Variants in RB1 observed in about 807,000 individuals in gnomAD.
The protein encoded by RB1 is retinoblastoma-associated protein.
Under a neutral mutation model 135.4 loss-of-function variants are expected in RB1, and 18 were observed. The observed-to-expected ratio is 0.13, with a 90% CI of 0.09 to 0.20. RB1 has a LOEUF of 0.20. Ranked by LOEUF, RB1 falls within the 10% of genes least tolerant of loss-of-function variation. RB1 has a pLI of 1.00. For missense variants in RB1, 868 were observed against 1,110.0 expected (o/e 0.78, Z 3.10); for synonymous variants, 365 against 373.2 (o/e 0.98, Z 0.25).
chr13:48,333,569 G>A (rs1343607927), intron 2 of RB1, among the ~76,000 whole-genome samples: 6 of 151,812 alleles, frequency 4.0e-5, no homozygotes, highest in African/African-American at 9.7e-5. Flanking sequence ...CTGTAATGTC[G>A]TTCTTTGTGT....
At chr13:48,448,121 A>T (rs929891548) in intron 17 of RB1, among the ~76,000 whole-genome samples, 1 of 152,150 alleles carries the variant, frequency 6.6e-6, no homozygotes, top group Non-Finnish European at 1.5e-5. Flanking sequence ...TTAGTTAAAG[A>T]TTTTCAATTC....
At chr13:48,476,892 G>A in intron 25 of RB1, 49 bp downstream of exon 25, 1 of 1,596,412 alleles carries the variant, frequency 6.3e-7, no homozygotes, top group Non-Finnish European at 8.6e-7. Context: ...GGTCATCTGG[G>A]GAATCCAGAG....
intron 9 of RB1, among the ~76,000 whole-genome samples, chr13:48,366,884 C>T (rs570039644): frequency 3.1e-4 from 47 of 152,050 alleles, no homozygotes; most frequent in Non-Finnish European, 4.9e-4. Context: ...TTTGGGAGGC[C>T]GAGGCAGGTG....
intron 17 of RB1, chr13:48,417,292 G>C (rs1456184357): frequency 6.5e-6 from 1 of 152,682 alleles, no homozygotes; most frequent in African/African-American, 2.4e-5. Context: ...ACAGGGTCTG[G>C]AGTGGACCTC....
At chr13:48,349,246 C>CT (rs977807861) in intron 6 of RB1, among the ~76,000 whole-genome samples, 2 of 151,352 alleles carry the variant, frequency 1.3e-5, no homozygotes, top group South Asian at 2.1e-4. Context: ...CCCTCCCTTT[C>CT]TTTTTTTTGA....
intron 17 of RB1, among the ~76,000 whole-genome samples, chr13:48,408,122 GT>G (rs1948756130): frequency 6.6e-6 from 1 of 151,908 alleles, no homozygotes; most frequent in African/African-American, 2.4e-5. Flanking sequence ...TCTCAATTTA[GT>G]GACTAATTTC....
chr13:48,407,674 G>T (rs1317255095), intron 17 of RB1, among the ~76,000 whole-genome samples: 1 of 152,118 alleles, frequency 6.6e-6, no homozygotes, highest in Non-Finnish European at 1.5e-5. Context: ...TCTTAAGTTT[G>T]TTCATTAGTC....
intron 6 of RB1, among the ~76,000 whole-genome samples, chr13:48,357,861 A>G (rs1354924297): frequency 6.6e-6 from 1 of 152,132 alleles, no homozygotes; most frequent in East Asian, 1.9e-4. Context: ...ACAATGTCTC[A>G]AGCATGATAT....
At chr13:48,420,103 A>G (rs1433629005) in intron 17 of RB1, among the ~76,000 whole-genome samples, 2 of 152,194 alleles carry the variant, frequency 1.3e-5, no homozygotes, top group Non-Finnish European at 2.9e-5. Flanking sequence ...AATTTCGGCC[A>G]ATATCCTTGA....
At chr13:48,371,006 A>G (rs941443341) in intron 11 of RB1, among the ~76,000 whole-genome samples, 2 of 152,230 alleles carry the variant, frequency 1.3e-5, no homozygotes, top group Non-Finnish European at 2.9e-5. Context: ...CAAAGACCAA[A>G]CATCTATTTC....
In RB1 at chr13:48,459,610, CG is replaced by C. The variant is rs894277694; in HGVS notation, c.1961-77del. ...CTACTTAACAGCATTATAATTAGAG[CG>C]ATTTCATGATTTGAAAAAAATCTAC... is the stretch of plus-strand genomic sequence containing the variant. On this transcript the variant is annotated intron_variant, in intron 19 of 26. Transcript: ENST00000267163. The C allele has an allele frequency of 2.8e-5, 40 of 1,433,486 alleles. No individual in the cohort carries two copies. In the African/African-American group the frequency reaches 5.6e-4, roughly 20 times the overall value. The allele number at this position is 1,433,486 out of a possible 1,614,324, so 88.8% of individuals were successfully genotyped here.
intron 6 of RB1, among the ~76,000 whole-genome samples, chr13:48,354,271 AAT>A (rs1224576717): frequency 6.6e-6 from 1 of 152,176 alleles, no homozygotes; most frequent in Non-Finnish European, 1.5e-5. Context: ...AAAAATCAGT[AAT>A]GTTTCTGTAT....
At position 48,342,675 on chromosome 13, in the gene RB1, C is replaced by T. The variant is rs139673557; in HGVS notation, c.341C>T (p.Ser114Leu). 16 of 1,611,696 alleles carry T rather than the reference C, an allele frequency of 9.9e-6. No individual in the cohort carries two copies. The highest frequency in any genetic ancestry group is 1.7e-4 in the Middle Eastern group (1 of 6,052). The change falls in exon 3 of 27, where the codon TCG (serine) becomes TTG (leucine). Residue 114 changes from serine (S) to leucine (L), a missense_variant. By Grantham distance (145) the Ser-to-Leu change is moderately radical (BLOSUM62 -2). Transcript: ENST00000267163. The part of the protein sequence containing the change: ...FIAAVDLDEM[S>L]FTFTELQKNI... ...GCAGCAGTTGACCTAGATGAGATGT[C>T]GTTCACTTTTACTGAGCTACAGAAA...
chr13:48,378,645 T>C (rs1952853935), intron 13 of RB1, among the ~76,000 whole-genome samples: 1 of 151,912 alleles, frequency 6.6e-6, no homozygotes, highest in Admixed American at 6.6e-5. Context: ...GTATAATAAA[T>C]ACATAAACCA....
chr13:48,335,047 C>G (rs550454561), intron 2 of RB1, among the ~76,000 whole-genome samples: 1 of 151,966 alleles, frequency 6.6e-6, no homozygotes, highest in Non-Finnish European at 1.5e-5. Context: ...GAAAACTGTT[C>G]GTAATCCTAC....
At chr13:48,459,656 G>T (rs781197022) in intron 19 of RB1, 32 bp from the exon 20 acceptor site, 26 of 1,612,544 alleles carry the variant, frequency 1.6e-5, no homozygotes, top group Non-Finnish European at 2.2e-5. Context: ...AAAATGAACA[G>T]TAAAAATGAC....
intron 12 of RB1, among the ~76,000 whole-genome samples, chr13:48,375,406 T>G: frequency 6.6e-6 from 1 of 151,738 alleles, no homozygotes; most frequent in Non-Finnish European, 1.5e-5. Flanking sequence ...AACATTTTAA[T>G]GGACATTTTG....
At chr13:48,304,757 T>C (rs1952065557) in intron 1 of RB1, among the ~76,000 whole-genome samples, 1 of 152,188 alleles carries the variant, frequency 6.6e-6, no homozygotes, top group South Asian at 2.1e-4. Flanking sequence ...CTTGAAAGTT[T>C]CTAAACTTTT....
At chr13:48,388,327 G>T (rs901189192) in intron 17 of RB1, among the ~76,000 whole-genome samples, 4 of 152,082 alleles carry the variant, frequency 2.6e-5, no homozygotes, top group African/African-American at 7.2e-5. Context: ...TTGGGAAGAT[G>T]AATTTCATTT....
Sources: gnomAD v4.1 joint callset for allele counts (sites outside exome capture counted in the v4.1 genomes callset) on GRCh38, gnomAD v4.1.1 for gene constraint, MANE v1.5 for transcripts, NCBI Gene and HGNC (gene_info 2026-07-23, HGNC 2026-07-21) for gene names.